The following ZNF385D variants were observed in gnomAD, a reference collection of about 807,000 sequenced individuals.
ZNF385D encodes zinc finger protein 659.
A neutral mutation model predicts 35.8 loss-of-function variants in ZNF385D; 15 were observed. The observed-to-expected ratio is 0.42, with a 90% confidence interval of 0.28 to 0.64. The LOEUF (loss-of-function observed/expected upper bound fraction) is 0.64, where lower values mean the gene tolerates loss of function less well. ZNF385D is among the 30% of genes least tolerant of loss of function. The pLI is 0.23. For missense variants in ZNF385D, 474 were observed against 494.6 expected (o/e 0.96, Z 0.39); for synonymous variants, 212 against 186.8 (o/e 1.13, Z -1.10).
At chr3:21,500,299 G>T (rs1269740677) in intron 4 of ZNF385D, among the ~76,000 whole-genome samples, 2 of 152,056 alleles carry the variant, frequency 1.3e-5, no homozygotes, top group Non-Finnish European at 2.9e-5. Flanking sequence ...GATCTTCATA[G>T]AAACAAAAAT....
intron 2 of ZNF385D, among the ~76,000 whole-genome samples, chr3:21,630,417 C>G (rs1158918947): frequency 6.6e-6 from 1 of 152,042 alleles, no homozygotes; most frequent in Non-Finnish European, 1.5e-5. Flanking sequence ...GTTGGTCAGG[C>G]TGGTCTTGAA....
Position 22,359,439 on chromosome 3 carries a change from T to C in ZNF385D, c.106+13011A>G, listed in dbSNP as rs192069929. On this transcript the variant is annotated intron_variant, in intron 2 of 5. Transcript: ENST00000494108. ...GAATATTTTCAGAGGCTCTACTACC[T>C]TGGGCATATTGATAGAACTTAGGAC... Among the ~76,000 whole-genome samples, 44 of 152,030 alleles carry C rather than the reference T, an allele frequency of 2.9e-4. No individual in the cohort carries two copies. In the East Asian group the frequency reaches 6.8e-3, roughly 23 times the overall value.
Position 21,517,068 on chromosome 3 carries a change from A to AG in ZNF385D, c.277-6046dup, listed in dbSNP as rs555917974. ...ATATCCTAAAATCTTAAATGATTACAGGAAAAAAAGCTTAAAATTTTATCT... is the reference window on the plus strand; with the variant it reads ...ATATCCTAAAATCTTAAATGATTACAGGGAAAAAAAGCTTAAAATTTTATCT... On this transcript the variant is annotated intron_variant, in intron 3 of 7. Transcript: ENST00000281523. Among the ~76,000 whole-genome samples the AG allele has an allele frequency of 4.1e-4, 48 of 116,390 alleles. 1 individual carries two copies. In the South Asian group the frequency reaches 7.9e-3, roughly 19 times the overall value. The allele number at this position is 116,390 out of a possible 152,430, so 76.4% of individuals were successfully genotyped here.
rs181034014 is a variant in ZNF385D, at chr3:22,279,356, A to C, written c.106+93094T>G. ...TTCTACTTATGAGTAAGAACATGTG[A>C]TATTTGGTCTTCCACTCCTGAATTA... On this transcript the variant is annotated intron_variant, in intron 2 of 5. Transcript: ENST00000494108. Among the ~76,000 whole-genome samples the C allele has an allele frequency of 1.7e-3, 255 of 151,718 alleles. 4 individuals are homozygous for C. The highest frequency in any genetic ancestry group is 1.2e-4 in the Non-Finnish European group (8 of 67,916).
intron 2 of ZNF385D, among the ~76,000 whole-genome samples, chr3:22,207,468 A>G (rs1184883784): frequency 6.6e-6 from 1 of 151,986 alleles, no homozygotes; most frequent in Non-Finnish European, 1.5e-5. Flanking sequence ...TAAATCTAAG[A>G]CCTCAAACCA....
At chr3:22,255,891 T>G (rs997323562) in intron 2 of ZNF385D, among the ~76,000 whole-genome samples, 1 of 151,658 alleles carries the variant, frequency 6.6e-6, no homozygotes, top group African/African-American at 2.4e-5. Context: ...GTATTGATGA[T>G]CCTGGGTGTG....
chr3:22,018,186 C>G (rs1351664712), intron 3 of ZNF385D, among the ~76,000 whole-genome samples: 1 of 151,484 alleles, frequency 6.6e-6, no homozygotes, highest in African/African-American at 2.4e-5. Flanking sequence ...TAAAGATGCG[C>G]AGTATCAATT....
intron 1 of ZNF385D, among the ~76,000 whole-genome samples, chr3:21,685,206 G>A (rs916029431): frequency 6.6e-6 from 1 of 152,062 alleles, no homozygotes; most frequent in East Asian, 1.9e-4. Context: ...CCTTCTCAAT[G>A]AACGTAGAAA....
intron 3 of ZNF385D, among the ~76,000 whole-genome samples, chr3:22,017,673 A>C (rs2125448980): frequency 6.6e-6 from 1 of 152,078 alleles, no homozygotes; most frequent in Admixed American, 6.6e-5. Context: ...TTAACAATTA[A>C]ATTGAATTGT....
intron 3 of ZNF385D, among the ~76,000 whole-genome samples, chr3:22,085,529 G>A (rs530485261): frequency 6.6e-6 from 1 of 152,156 alleles, no homozygotes; most frequent in Admixed American, 6.5e-5. Flanking sequence ...AAACCAGGAA[G>A]AAGTTGAATC....
chr3:22,270,314 C>G, intron 2 of ZNF385D, among the ~76,000 whole-genome samples: 1 of 152,036 alleles, frequency 6.6e-6, no homozygotes, highest in East Asian at 1.9e-4. Flanking sequence ...AGTATCTCAA[C>G]TTTGGAAAAT....
At chr3:21,752,001 A>AC (rs2070115655), upstream of ZNF385D, among the ~76,000 whole-genome samples, 20 of 80,616 alleles carry the variant, frequency 2.5e-4, no homozygotes, top group Non-Finnish European at 3.1e-4. Context: ...ACACACACAC[A>AC]CACCCACCCC....
At chr3:22,321,704 T>C (rs1488365389) in intron 2 of ZNF385D, among the ~76,000 whole-genome samples, 1 of 152,162 alleles carries the variant, frequency 6.6e-6, no homozygotes, top group African/African-American at 2.4e-5. Context: ...ATATATTTTA[T>C]TCCTTTCAAC....
At chr3:21,952,163 G>A (rs1477591595) in intron 3 of ZNF385D, among the ~76,000 whole-genome samples, 2 of 151,876 alleles carry the variant, frequency 1.3e-5, no homozygotes, top group African/African-American at 4.8e-5. Context: ...AACTATGATG[G>A]TTTCCTCTCT....
intron 2 of ZNF385D, among the ~76,000 whole-genome samples, chr3:22,190,703 G>A (rs1397092113): frequency 6.6e-6 from 1 of 152,026 alleles, no homozygotes; most frequent in Admixed American, 6.6e-5. Flanking sequence ...TATTTCTTTA[G>A]TATTTTTTAG....
At chr3:22,126,210 A>T (rs367576764) in intron 3 of ZNF385D, among the ~76,000 whole-genome samples, 1 of 151,598 alleles carries the variant, frequency 6.6e-6, no homozygotes, top group Non-Finnish European at 1.5e-5. Context: ...ATAATGTATC[A>T]TATTGACTGA....
At chr3:21,781,249 A>T (rs2071478022) in intron 3 of ZNF385D, among the ~76,000 whole-genome samples, 1 of 152,084 alleles carries the variant, frequency 6.6e-6, no homozygotes, top group Non-Finnish European at 1.5e-5. Context: ...AGCTTTAGGA[A>T]AGAAAAAATA....
intron 2 of ZNF385D, among the ~76,000 whole-genome samples, chr3:22,321,164 GT>G: frequency 0.022 from 1,660 of 76,168 alleles, 6 homozygotes; most frequent in East Asian, 0.025. Context: ...TTATGACCTT[GT>G]TTTTTTTTTT....
intron 3 of ZNF385D, among the ~76,000 whole-genome samples, chr3:22,156,166 A>G (rs997551057): frequency 6.6e-6 from 1 of 152,126 alleles, no homozygotes; most frequent in Admixed American, 6.6e-5. Context: ...TTAAAAATAT[A>G]AATGTACTTC....
Sources: allele counts gnomAD v4.1 joint callset (sites outside exome capture counted in the v4.1 genomes callset), GRCh38; gene constraint gnomAD v4.1.1; transcripts MANE v1.5; gene names NCBI Gene and HGNC (gene_info 2026-07-23, HGNC 2026-07-21).